The following CNTNAP2 variants were observed in gnomAD, a reference collection of about 807,000 sequenced individuals.
CNTNAP2 encodes the protein contactin-associated protein-like 2.
Under a neutral mutation model 155.2 loss-of-function variants are expected in CNTNAP2, and 98 were observed. The ratio of observed to expected loss-of-function variants is 0.63; its 90% CI spans 0.54 to 0.75. The LOEUF (loss-of-function observed/expected upper bound fraction) is 0.75. Ranked by LOEUF, CNTNAP2 falls within the 30% of genes least tolerant of loss-of-function variation. The pLI is 0.00. For missense variants in CNTNAP2, 1,727 were observed against 1,688.1 expected (o/e 1.02, Z -0.40); for synonymous variants, 651 against 631.2 (o/e 1.03, Z -0.47).
chr7:147,545,987 G>A (rs932039038), intron 11 of CNTNAP2, among the ~76,000 whole-genome samples: 3 of 152,170 alleles, frequency 2.0e-5, no homozygotes, highest in Non-Finnish European at 4.4e-5. Flanking sequence ...CGCCATGTAA[G>A]ATGTGACTTT....
At chr7:148,350,434 G>C (rs1798407543) in intron 21 of CNTNAP2, among the ~76,000 whole-genome samples, 1 of 152,156 alleles carries the variant, frequency 6.6e-6, no homozygotes, top group Non-Finnish European at 1.5e-5. Context: ...CTCCTAGTAT[G>C]GATCTAATGA....
intron 1 of CNTNAP2, among the ~76,000 whole-genome samples, chr7:146,121,849 A>C (rs1797568114): frequency 6.6e-6 from 1 of 152,218 alleles, no homozygotes; most frequent in Non-Finnish European, 1.5e-5. Context: ...TTAATAAGTA[A>C]GAATAATGAT....
At chr7:146,484,100 T>C (rs1237266200) in intron 1 of CNTNAP2, among the ~76,000 whole-genome samples, 1 of 152,220 alleles carries the variant, frequency 6.6e-6, no homozygotes, top group African/African-American at 2.4e-5. Flanking sequence ...TATATATCTT[T>C]AGATACACAA....
At chr7:147,918,501 T>C (rs376022514) in intron 14 of CNTNAP2, among the ~76,000 whole-genome samples, 1 of 152,186 alleles carries the variant, frequency 6.6e-6, no homozygotes, top group East Asian at 1.9e-4. Context: ...AATATGTATG[T>C]CCATACTCAC....
rs1268102814 is a variant in CNTNAP2 at position 147,839,047 on chromosome 7, T to TAAAG, written c.2099-64515_2099-64512dup. On this transcript the variant is annotated intron_variant, in intron 13 of 23. Coordinates refer to ENST00000361727, the MANE Select transcript of CNTNAP2 (RefSeq NM_014141.6). Reference sequence around the variant, plus strand: ...AGGAAGCAAGTCCAAGTCCCAAAGCTAAAGAACTTTGGGTCCAATGTTCAA... The same window carrying TAAAG: ...AGGAAGCAAGTCCAAGTCCCAAAGCTAAAGAAAGAACTTTGGGTCCAATGTTCAA... Among the ~76,000 whole-genome samples, 4 of 152,292 alleles carry TAAAG rather than the reference T, an allele frequency of 2.6e-5. No individual in the cohort carries two copies. In the East Asian group the frequency reaches 7.7e-4, roughly 29 times the overall value.
intron 13 of CNTNAP2, among the ~76,000 whole-genome samples, chr7:147,736,368 G>A (rs555712544): frequency 3.3e-5 from 5 of 152,326 alleles, no homozygotes; most frequent in Admixed American, 2.6e-4. Flanking sequence ...CTTCTGGCTT[G>A]TAGAGTTTCT....
chr7:147,957,048 G>C (rs1324405187), intron 14 of CNTNAP2, among the ~76,000 whole-genome samples: 2 of 152,110 alleles, frequency 1.3e-5, no homozygotes, highest in South Asian at 4.1e-4. Flanking sequence ...TCCCAGAGTT[G>C]GTTTTCCAAG....
At chr7:148,298,205 G>A (rs777896866) in intron 21 of CNTNAP2, among the ~76,000 whole-genome samples, 8 of 152,144 alleles carry the variant, frequency 5.3e-5, no homozygotes, top group Non-Finnish European at 8.8e-5. Flanking sequence ...ATTTTAGAAG[G>A]GTAGTTGGAT....
intron 1 of CNTNAP2, among the ~76,000 whole-genome samples, chr7:146,161,876 A>T (rs188992363): frequency 6.6e-6 from 1 of 152,196 alleles, no homozygotes; most frequent in African/African-American, 2.4e-5. Flanking sequence ...CAACCATCTG[A>T]TCTTTGACAA....
chr7:147,735,266 C>T lies in CNTNAP2; in HGVS notation c.2098+95960C>T, dbSNP rs537732366. On this transcript the variant is annotated intron_variant, in intron 13 of 23. Coordinates refer to ENST00000361727, the MANE Select transcript of CNTNAP2 (RefSeq NM_014141.6). The stretch of plus-strand genomic sequence containing the variant: ...CAAAGAACATCTTTATTTCTGTCTT[C>T]ATTTTATTATGTACTTAGTAGTCAT... Among the ~76,000 whole-genome samples the T allele has an allele frequency of 2.6e-5, 4 of 152,274 alleles. No individual in the cohort carries two copies. The East Asian group carries it at 7.7e-4, about 29-fold the overall frequency.
rs749926530 is a variant in CNTNAP2 at position 148,267,077 on chromosome 7, C to G, written c.3426C>G (p.Ser1142=). 1.9e-5 allele frequency: 30 copies of G among 1,614,004 alleles called. No homozygotes were observed. Among genetic ancestry groups the G allele is most frequent in the Non-Finnish European group, 2.3e-5 (27 of 1,180,030 alleles). ...TGAGTTACCATCTGCCAAGTTCATC[C>G]GACACCCTCTTCAATTCTCCCAAGT... The part of the protein sequence containing the change: ...PSVSYHLPSS[S]DTLFNSPKSL... The change falls in exon 21 of 24, where the codon TCC becomes TCG. Residue 1142 remains serine (S), a synonymous_variant. Transcript: ENST00000361727.
intron 21 of CNTNAP2, among the ~76,000 whole-genome samples, chr7:148,278,447 G>A (rs1274310263): frequency 2.0e-5 from 3 of 152,016 alleles, no homozygotes; most frequent in South Asian, 2.1e-4. Flanking sequence ...GTGGTCACCT[G>A]TAGTCCCAGC....
chr7:146,589,264 T>A (rs180866), intron 1 of CNTNAP2, among the ~76,000 whole-genome samples: 1 of 152,170 alleles, frequency 6.6e-6, no homozygotes, highest in African/African-American at 2.4e-5. Flanking sequence ...AAACACTCAC[T>A]GCTATAAAAA....
intron 16 of CNTNAP2, among the ~76,000 whole-genome samples, chr7:148,136,012 GAA>G: frequency 3.6e-5 from 2 of 55,510 alleles, no homozygotes; most frequent in African/African-American, 1.5e-4. Context: ...AGGAAGGAAG[GAA>G]GGAAGGGAGG....
At chr7:148,181,527 G>T (rs2906283) in intron 18 of CNTNAP2, among the ~76,000 whole-genome samples, 34,439 of 151,998 alleles carry the variant, frequency 0.23, 4,238 homozygotes, top group African/African-American at 0.32. Context: ...GAATTTTGTG[G>T]TGGTAAAATA....
At chr7:146,850,567 G>T (rs549866508) in intron 3 of CNTNAP2, among the ~76,000 whole-genome samples, 1 of 152,220 alleles carries the variant, frequency 6.6e-6, no homozygotes, top group Non-Finnish European at 1.5e-5. Context: ...TTATTTTTAT[G>T]ATTAAGCCCT....
chr7:146,180,234 C>T (rs116093141), intron 1 of CNTNAP2, among the ~76,000 whole-genome samples: 247 of 152,286 alleles, frequency 1.6e-3, no homozygotes, highest in African/African-American at 5.7e-3. Context: ...ATTCTGCCTT[C>T]AGCTACTAGT....
chr7:147,302,964 T>C (rs1794971279), intron 9 of CNTNAP2, among the ~76,000 whole-genome samples: 1 of 152,212 alleles, frequency 6.6e-6, no homozygotes, highest in Non-Finnish European at 1.5e-5. Flanking sequence ...GCACCTTGAA[T>C]CAAATGTTCT....
chr7:146,513,217 T>C (rs544194142), intron 1 of CNTNAP2, among the ~76,000 whole-genome samples: 1 of 152,080 alleles, frequency 6.6e-6, no homozygotes, highest in Non-Finnish European at 1.5e-5. Context: ...TAGAAGTATA[T>C]AGTTATATAA....
Sources: allele counts gnomAD v4.1 joint callset (sites outside exome capture counted in the v4.1 genomes callset), GRCh38; gene constraint gnomAD v4.1.1; transcripts MANE v1.5; gene names NCBI Gene and HGNC (gene_info 2026-07-23, HGNC 2026-07-21).